Variants in FANCA observed in about 807,000 individuals in gnomAD.
FANCA encodes the protein FA complementation group A.
Under a neutral mutation model 194.3 loss-of-function variants are expected in FANCA, and 236 were observed. The ratio of observed to expected loss-of-function variants is 1.21; its 90% confidence interval spans 1.09 to 1.35. The LOEUF is 1.35. Ranked by LOEUF, FANCA falls within the 40% of genes most tolerant of loss-of-function variation. The pLI is 0.00. For missense variants in FANCA, 2,628 were observed against 1,813.9 expected, an observed-to-expected ratio of 1.45 and a Z score of -8.15; for synonymous variants, 1,014 against 715.8, an observed-to-expected ratio of 1.42 and a Z score of -6.65.
chr16:89,802,593 C>T (rs2040494604), intron 8 of FANCA, among the ~76,000 whole-genome samples: 2 of 151,606 alleles, frequency 1.3e-5, no homozygotes, highest in Admixed American at 6.6e-5. Flanking sequence ...TTAGTAGAGA[C>T]GGGATTTTAC....
chr16:89,795,313 A>AATAAATAC (rs1567638739), intron 11 of FANCA, among the ~76,000 whole-genome samples: 1 of 150,564 alleles, frequency 6.6e-6, no homozygotes, highest in East Asian at 1.9e-4. Flanking sequence ...TAAATAAATA[A>AATAAATAC]ATAAATAAAT....
At chr16:89,803,398 G>T in intron 7 of FANCA, 57 bp from the exon 8 acceptor site, 1 of 1,476,858 alleles carries the variant, frequency 6.8e-7, no homozygotes, top group Non-Finnish European at 9.5e-7. Flanking sequence ...AAGCAACTGT[G>T]AATGGCACAG....
intron 33 of FANCA, among the ~76,000 whole-genome samples, chr16:89,747,703 AAAATAAATAAATAAAT>A (rs572834641): frequency 1.3e-5 from 2 of 151,960 alleles, no homozygotes; most frequent in Non-Finnish European, 2.9e-5. Context: ...TCTGTCTCAA[AAAATAAATAAATAAAT>A]AAATAAATAA....
At chr16:89,797,410 G>A (rs963236674) in intron 10 of FANCA, among the ~76,000 whole-genome samples, 4 of 152,162 alleles carry the variant, frequency 2.6e-5, no homozygotes, top group South Asian at 2.1e-4. Flanking sequence ...CACCCAACGA[G>A]GCCACGTCGG....
intron 14 of FANCA, among the ~76,000 whole-genome samples, chr16:89,790,475 A>G (rs1295841334): frequency 6.6e-6 from 1 of 151,698 alleles, no homozygotes; most frequent in Non-Finnish European, 1.5e-5. Flanking sequence ...TCATGCCTGT[A>G]ATCCCAGCAC....
At chr16:89,796,056 G>C (rs768531213) in intron 10 of FANCA, 38 bp from the exon 11 acceptor site, 2 of 1,529,906 alleles carry the variant, frequency 1.3e-6, no homozygotes, top group Middle Eastern at 1.7e-4. Flanking sequence ...GGAAAGGGAG[G>C]GTGCCTTGCA....
At chr16:89,787,629 G>A (rs1353072821) in intron 14 of FANCA, among the ~76,000 whole-genome samples, 4 of 151,848 alleles carry the variant, frequency 2.6e-5, no homozygotes, top group Admixed American at 6.6e-5. Context: ...TCAGCTGCTC[G>A]GGAAGTTGAG....
In FANCA at chr16:89,738,455, G is replaced by A. The variant is rs556325258; in HGVS notation, c.*146C>T. ...GCAAACGCTGAGTGACTCGGGGCCGGACAGTTCATAAATAATTGATTCCTT... is the reference window on the plus strand; with the variant it reads ...GCAAACGCTGAGTGACTCGGGGCCGAACAGTTCATAAATAATTGATTCCTT... On this transcript the variant is annotated 3_prime_UTR_variant, in exon 43 of 43. Coordinates refer to ENST00000389301, the MANE Select transcript of FANCA (RefSeq NM_000135.4). 400 of 1,414,442 alleles carry A rather than the reference G, an allele frequency of 2.8e-4. No individual in the cohort carries two copies. Among genetic ancestry groups the A allele is most frequent in the Middle Eastern group, 7.3e-4 (3 of 4,124 alleles). The allele number at this position is 1,414,442 out of a possible 1,614,324, so 87.6% of individuals were successfully genotyped here. A position where few individuals can be genotyped will look rare whatever the true frequency, so the allele number is the denominator to read the frequency against.
chr16:89,774,730 A>AAAAAAAAAG (rs2039441007), intron 21 of FANCA, among the ~76,000 whole-genome samples: 1 of 34,206 alleles, frequency 2.9e-5, no homozygotes, highest in Non-Finnish European at 5.1e-5. Flanking sequence ...ACTCTGTCTC[A>AAAAAAAAAG]AAAAAAAAAA....
intron 22 of FANCA, 49 bp from the exon 23 acceptor site, chr16:89,771,863 G>A (rs2039339071): frequency 1.2e-6 from 2 of 1,610,230 alleles, no homozygotes; most frequent in African/African-American, 1.3e-5. Context: ...CGAAAGGAGG[G>A]ATACAGCTGC....
intron 30 of FANCA, among the ~76,000 whole-genome samples, chr16:89,757,429 A>G (rs1166382014): frequency 1.3e-5 from 2 of 152,326 alleles, no homozygotes; most frequent in East Asian, 1.9e-4. Flanking sequence ...GGGTATGCTG[A>G]TATGTGCTAC....
chr16:89,767,016 G>C (rs2143306620), intron 27 of FANCA, 125 bp downstream of exon 27: 3 of 806,220 alleles, frequency 3.7e-6, no homozygotes, highest in African/African-American at 3.4e-5. Flanking sequence ...ATGACAGCCA[G>C]CCTGACCCAG....
At chr16:89,799,737 A>G (rs760970863) in intron 8 of FANCA, 99 bp from the exon 9 acceptor site, 8 of 1,085,446 alleles carry the variant, frequency 7.4e-6, no homozygotes, top group Non-Finnish European at 9.9e-6. Flanking sequence ...CTCTAAAGTA[A>G]AGAAACGGCA....
intron 2 of FANCA, among the ~76,000 whole-genome samples, chr16:89,814,815 C>G (rs933104279): frequency 2.0e-5 from 3 of 152,062 alleles, no homozygotes; most frequent in African/African-American, 7.2e-5. Flanking sequence ...GTGGCGCGTG[C>G]CTGTAGTCCC....
chr16:89,810,663 T>C (rs779422184), intron 5 of FANCA, 44 bp downstream of exon 5: 2 of 1,270,606 alleles, frequency 1.6e-6, no homozygotes, highest in South Asian at 2.4e-5. Flanking sequence ...CAACAGAACA[T>C]TGCCTGGAAC....
At chr16:89,767,579 T>C (rs2039174042) in intron 26 of FANCA, among the ~76,000 whole-genome samples, 1 of 152,062 alleles carries the variant, frequency 6.6e-6, no homozygotes, top group Middle Eastern at 3.2e-3. Flanking sequence ...AGAGGGAGTC[T>C]TGCTCTGTTG....
intron 3 of FANCA, among the ~76,000 whole-genome samples, chr16:89,812,660 A>AAAAAAAAAAAAAAAAC (rs2040938378): frequency 6.7e-6 from 1 of 149,538 alleles, no homozygotes; most frequent in Non-Finnish European, 1.5e-5. Context: ...AAAAAAAAAA[A>AAAAAAAAAAAAAAAAC]AAAAAAAAAA....
intron 3 of FANCA, among the ~76,000 whole-genome samples, chr16:89,813,565 T>A (rs2040986542): frequency 6.6e-6 from 1 of 152,116 alleles, no homozygotes; most frequent in Non-Finnish European, 1.5e-5. Flanking sequence ...CCTGAATAGC[T>A]GGGACTACAG....
Position 89,770,011 on chromosome 16 carries a change from C to T in FANCA, c.2330G>A (p.Ser777Asn). ...QLLRHQGPSL[S>N]APHVLGLAAL... ...AGCCAACCCCAGCACATGTGGGGCA[C>T]TCAGGCTCGGGCCCTGCAACGAGAA... Residue 777 changes from serine (S) to asparagine (N), a missense_variant, in exon 26 of 43, where the codon AGT (serine) becomes AAT (asparagine). By Grantham distance (46) the Ser-to-Asn change is conservative (BLOSUM62 1). Transcript: ENST00000389301. 6.2e-7 allele frequency: 1 copy of T among 1,613,690 alleles called. No individual in the cohort carries two copies. The highest frequency in any genetic ancestry group is 1.7e-5 in the Admixed American group (1 of 60,016).
Sources: gnomAD v4.1 joint callset for allele counts (sites outside exome capture counted in the v4.1 genomes callset) on GRCh38, gnomAD v4.1.1 for gene constraint, MANE v1.5 for transcripts, NCBI Gene and HGNC (gene_info 2026-07-23, HGNC 2026-07-21) for gene names.